LRRC4C: variants seen among roughly 807,000 people sequenced by gnomAD.
The protein encoded by LRRC4C is leucine rich repeat containing 4C.
Under a neutral mutation model 33.6 loss-of-function variants are expected in LRRC4C, and 5 were observed. The ratio of observed to expected loss-of-function variants is 0.15; its 90% CI spans 0.08 to 0.31. LRRC4C has a LOEUF of 0.31. Ranked by LOEUF, LRRC4C falls within the 10% of genes least tolerant of loss-of-function variation. LRRC4C has a pLI of 1.00. For missense variants in LRRC4C, 560 were observed against 796.7 expected (o/e 0.70, Z 3.58); for synonymous variants, 329 against 302.0 (o/e 1.09, Z -0.93).
chr11:40,128,383 G>A (rs1304737296), intron 6 of LRRC4C, among the ~76,000 whole-genome samples: 1 of 152,266 alleles, frequency 6.6e-6, no homozygotes, highest in East Asian at 1.9e-4. Flanking sequence ...ATGTGGGTCT[G>A]TCTACTTTTC....
intron 3 of LRRC4C, among the ~76,000 whole-genome samples, chr11:40,423,375 C>T (rs1400063107): frequency 8.1e-6 from 1 of 123,080 alleles, no homozygotes. Flanking sequence ...GACGGAGTCT[C>T]GCTCTGTCGC....
intron 1 of LRRC4C, among the ~76,000 whole-genome samples, chr11:41,434,152 T>C (rs1232130949): frequency 1.3e-5 from 2 of 152,078 alleles, no homozygotes; most frequent in African/African-American, 4.8e-5. Context: ...TTCCTAGAAA[T>C]GCACATCTTC....
At chr11:41,217,738 C>T (rs2136357512) in intron 1 of LRRC4C, among the ~76,000 whole-genome samples, 1 of 152,188 alleles carries the variant, frequency 6.6e-6, no homozygotes, top group Middle Eastern at 3.4e-3. Context: ...TGCTTGTTGG[C>T]TGCAATGTGC....
intron 3 of LRRC4C, among the ~76,000 whole-genome samples, chr11:40,410,654 A>G (rs1408968996): frequency 6.6e-6 from 1 of 152,108 alleles, no homozygotes; most frequent in Non-Finnish European, 1.5e-5. Context: ...TAAGTGTAGG[A>G]ACAAGGCACT....
In LRRC4C at chr11:41,347,856, C is replaced by T. The variant is rs1951851101; in HGVS notation, c.-496+111575G>A. Among the ~76,000 whole-genome samples, 5 of 152,092 alleles carry T rather than the reference C, an allele frequency of 3.3e-5. No individual in the cohort carries two copies. The South Asian group carries it at 1.0e-3, about 32-fold the overall frequency. On this transcript the variant is annotated intron_variant, in intron 1 of 6. Coordinates refer to ENST00000528697, the MANE Select transcript of LRRC4C (RefSeq NM_001258419.2). ...TTGCATAGGTAACTTAAAAAAGGTTCTGATTACGCTAAAATGCTTCCGAAC... is the reference window on the plus strand; with the variant it reads ...TTGCATAGGTAACTTAAAAAAGGTTTTGATTACGCTAAAATGCTTCCGAAC...
At chr11:40,726,648 T>C (rs1027485482) in intron 2 of LRRC4C, among the ~76,000 whole-genome samples, 1 of 152,120 alleles carries the variant, frequency 6.6e-6, no homozygotes, top group African/African-American at 2.4e-5. Flanking sequence ...ACAGCCAACA[T>C]CATACTGAAT....
At chr11:41,195,303 T>C (rs1429364996) in intron 1 of LRRC4C, among the ~76,000 whole-genome samples, 2 of 152,114 alleles carry the variant, frequency 1.3e-5, no homozygotes, top group Non-Finnish European at 2.9e-5. Flanking sequence ...ATTCTGACTT[T>C]ACCAAATATA....
chr11:41,248,008 A>C (rs753700981), intron 1 of LRRC4C, among the ~76,000 whole-genome samples: 5 of 152,178 alleles, frequency 3.3e-5, no homozygotes, highest in Non-Finnish European at 7.3e-5. Flanking sequence ...AATACACTCA[A>C]GCTGAGTACA....
rs116676300 is a variant in LRRC4C, at chr11:41,014,961, T to C, written c.-495-81238A>G. Among the ~76,000 whole-genome samples the C allele has an allele frequency of 4.8e-3, 734 of 152,320 alleles. 6 individuals are homozygous for C. Among genetic ancestry groups the C allele is most frequent in the African/African-American group, 0.017 (703 of 41,562 alleles). On this transcript the variant is annotated intron_variant, in intron 1 of 6. Transcript: ENST00000528697. ...TTCAATTTTCTGACTCAAAGTCCAG[T>C]GCACAACCCACCAAAAGATTACGAG...
At chr11:41,007,103 A>G (rs1300509813) in intron 1 of LRRC4C, among the ~76,000 whole-genome samples, 1 of 152,184 alleles carries the variant, frequency 6.6e-6, no homozygotes, top group African/African-American at 2.4e-5. Context: ...ACAAACTTAC[A>G]TTTAAAAATA....
intron 1 of LRRC4C, among the ~76,000 whole-genome samples, chr11:41,443,089 A>ATTTTTTTTT: frequency 3.8e-5 from 4 of 105,994 alleles, no homozygotes; most frequent in African/African-American, 7.4e-5. Flanking sequence ...TGTTTGCTTC[A>ATTTTTTTTT]TTTTTTTTTT....
chr11:41,230,069 C>A (rs151027890), intron 1 of LRRC4C, among the ~76,000 whole-genome samples: 265 of 152,148 alleles, frequency 1.7e-3, no homozygotes, highest in African/African-American at 5.6e-3. Flanking sequence ...TTCTGACAAG[C>A]AAAAGTTGTT....
At chr11:40,313,772 T>A (rs2136779827) in intron 4 of LRRC4C, among the ~76,000 whole-genome samples, 1 of 9,370 alleles carries the variant, frequency 1.1e-4, no homozygotes, top group Middle Eastern at 0.045. Flanking sequence ...CATGCCTGGC[T>A]ATTTTTTTTT....
chr11:40,703,433 G>T (rs1432549281), intron 2 of LRRC4C, among the ~76,000 whole-genome samples: 2 of 152,100 alleles, frequency 1.3e-5, no homozygotes, highest in African/African-American at 2.4e-5. Flanking sequence ...TAAAAAATTA[G>T]CTGAATGTGG....
chr11:41,444,481 T>C (rs552155253), intron 1 of LRRC4C, among the ~76,000 whole-genome samples: 112 of 152,308 alleles, frequency 7.4e-4, no homozygotes, highest in African/African-American at 2.6e-3. Context: ...CACGGGTGGG[T>C]GCTAGAACCA....
intron 1 of LRRC4C, among the ~76,000 whole-genome samples, chr11:41,147,113 T>G (rs1943760733): frequency 6.6e-6 from 1 of 152,244 alleles, no homozygotes; most frequent in Non-Finnish European, 1.5e-5. Flanking sequence ...TTCCTCATCT[T>G]CTGGTTACAT....
At chr11:40,122,690 C>CT (rs34980999) in intron 6 of LRRC4C, among the ~76,000 whole-genome samples, 18 of 151,792 alleles carry the variant, frequency 1.2e-4, no homozygotes, top group African/African-American at 2.4e-5. Context: ...CAGGAATTAC[C>CT]TTTTTACAAT....
At position 40,749,112 on chromosome 11, in the gene LRRC4C, GAC is replaced by G. The variant is rs1199594615; in HGVS notation, c.-406-100836_-406-100835del. Reference sequence around the variant, plus strand: ...AAAGCAAGATTTAAATTGGAATTTAGACCAAGTGAACTTAACATTTATTTACA... The same window carrying G: ...AAAGCAAGATTTAAATTGGAATTTAGCAAGTGAACTTAACATTTATTTACA... On this transcript the variant is annotated intron_variant, in intron 2 of 6. Coordinates refer to ENST00000528697, the MANE Select transcript of LRRC4C (RefSeq NM_001258419.2). Among the ~76,000 whole-genome samples the G allele has an allele frequency of 2.0e-5, 3 of 152,086 alleles. 1 individual carries two copies. Among genetic ancestry groups the G allele is most frequent in the African/African-American group, 7.2e-5 (3 of 41,440 alleles).
chr11:40,764,125 C>G (rs900304897), intron 2 of LRRC4C, among the ~76,000 whole-genome samples: 1 of 152,124 alleles, frequency 6.6e-6, no homozygotes, highest in South Asian at 2.1e-4. Context: ...ACCTGCTCAA[C>G]TACAGTAGAA....
Sources: gnomAD v4.1 joint callset for allele counts (sites outside exome capture counted in the v4.1 genomes callset) on GRCh38, gnomAD v4.1.1 for gene constraint, MANE v1.5 for transcripts, NCBI Gene and HGNC (gene_info 2026-07-23, HGNC 2026-07-21) for gene names.